Variants in NALCN observed in about 807,000 individuals in gnomAD.
The protein encoded by NALCN is sodium leak channel NALCN.
NALCN carries 111 observed loss-of-function variants against 225.3 expected under a neutral mutation model. That is an observed-to-expected ratio of 0.49 (90% CI 0.42 to 0.58). NALCN has a LOEUF of 0.58. NALCN is among the 20% of genes least tolerant of loss of function. The pLI is 0.00. For synonymous variants in NALCN, 764 were observed against 769.0 expected (o/e 0.99, Z 0.11); for missense variants, 1,378 against 2,202.4 (o/e 0.63, Z 7.49).
intron 6 of NALCN, among the ~76,000 whole-genome samples, chr13:101,357,897 C>G (rs139279272): frequency 0.032 from 4,910 of 152,238 alleles, 266 homozygotes; most frequent in African/African-American, 0.11. Context: ...CTACAACCAT[C>G]TGATCTTTGA....
intron 6 of NALCN, among the ~76,000 whole-genome samples, chr13:101,363,905 T>C (rs2046315391): frequency 6.6e-6 from 1 of 152,046 alleles, no homozygotes. Flanking sequence ...AATAATCTGA[T>C]TAAGAAATGG....
chr13:101,383,757 G>T (rs1173434542), intron 3 of NALCN, among the ~76,000 whole-genome samples: 1 of 152,134 alleles, frequency 6.6e-6, no homozygotes, highest in Admixed American at 6.5e-5. Flanking sequence ...GATCACAGAC[G>T]AGATTATGAG....
chr13:101,347,134 T>C (rs112536713), intron 6 of NALCN, among the ~76,000 whole-genome samples: 12 of 134,870 alleles, frequency 8.9e-5, no homozygotes, highest in South Asian at 4.9e-4. Context: ...CACACGTACA[T>C]AGTTTTACAC....
intron 17 of NALCN, among the ~76,000 whole-genome samples, chr13:101,128,466 G>A (rs76704066): frequency 0.035 from 5,291 of 152,120 alleles, 189 homozygotes; most frequent in African/African-American, 0.086. Flanking sequence ...ATTTTTTGGC[G>A]ATGTCTTCTA....
At chr13:101,186,774 T>C (rs1249645208) in intron 14 of NALCN, among the ~76,000 whole-genome samples, 1 of 152,106 alleles carries the variant, frequency 6.6e-6, no homozygotes, top group African/African-American at 2.4e-5. Flanking sequence ...TTGATTTGAG[T>C]TTTATTTAAA....
At chr13:101,142,484 T>C (rs2037136373) in intron 17 of NALCN, among the ~76,000 whole-genome samples, 1 of 152,090 alleles carries the variant, frequency 6.6e-6, no homozygotes, top group African/African-American at 2.4e-5. Context: ...AAAAAGTACA[T>C]TTCTTTAAAA....
chr13:101,246,369 A>G (rs1247227323), intron 11 of NALCN, among the ~76,000 whole-genome samples: 1 of 152,228 alleles, frequency 6.6e-6, no homozygotes, highest in Non-Finnish European at 1.5e-5. Context: ...CATATTTATC[A>G]CAAAGGAAGA....
chr13:101,255,319 T>C (rs1168913421), intron 11 of NALCN, among the ~76,000 whole-genome samples: 1 of 152,204 alleles, frequency 6.6e-6, no homozygotes, highest in Non-Finnish European at 1.5e-5. Flanking sequence ...ATAAACACAT[T>C]AGGAAAGGAT....
In NALCN at chr13:101,381,336, G is replaced by GT. The variant is rs1201878731; in HGVS notation, c.292-2684dup. Among the ~76,000 whole-genome samples the GT allele has an allele frequency of 4.6e-5, 7 of 152,148 alleles. No individual in the cohort carries two copies. The East Asian group carries it at 1.4e-3, about 29-fold the overall frequency. On this transcript the variant is annotated intron_variant, in intron 3 of 43. Transcript: ENST00000251127. Reference sequence around the variant, plus strand: ...AAAGGTTACATATATAACAAATAACGTAAGGATTTTTTATAGTCATCTTCA... The same window carrying GT: ...AAAGGTTACATATATAACAAATAACGTTAAGGATTTTTTATAGTCATCTTCA...
chr13:101,105,404 A>G (rs1269882407), intron 22 of NALCN, among the ~76,000 whole-genome samples: 3 of 152,182 alleles, frequency 2.0e-5, no homozygotes, highest in Non-Finnish European at 4.4e-5. Flanking sequence ...ATTTATTTAG[A>G]ATTTCTTGGA....
At chr13:101,114,342 T>C (rs2035594138) in intron 18 of NALCN, among the ~76,000 whole-genome samples, 1 of 152,202 alleles carries the variant, frequency 6.6e-6, no homozygotes, top group Admixed American at 6.5e-5. Context: ...CAACGCTTTC[T>C]TTGAATTTTA....
chr13:101,147,352 CTCTTTT>C (rs1312538563), intron 15 of NALCN, among the ~76,000 whole-genome samples: 1 of 140,556 alleles, frequency 7.1e-6, no homozygotes, highest in Non-Finnish European at 1.5e-5. Context: ...TCCTCTCTCT[CTCTTTT>C]TTTTTTTTTT....
chr13:101,346,087 C>CTCTCTCTCTATATATATATATA lies in NALCN; in HGVS notation c.645-668_645-667insTATATATATATATAGAGAGAGA. 5.1e-3 allele frequency among the ~76,000 whole-genome samples: 363 copies of CTCTCTCTCTATATATATATATA among 70,852 alleles called. 3 individuals are homozygous for CTCTCTCTCTATATATATATATA. Among genetic ancestry groups the CTCTCTCTCTATATATATATATA allele is most frequent in the Middle Eastern group, 7.5e-3 (1 of 134 alleles). The allele number at this position is 70,852 out of a possible 152,430, so 46.5% of individuals were successfully genotyped here. A position where few individuals can be genotyped will look rare whatever the true frequency, so the allele number is the denominator to read the frequency against. On this transcript the variant is annotated intron_variant, in intron 6 of 43. Transcript: ENST00000251127. ...TCTCTCTCTCTCTCTCTCTCTCTCT[C>CTCTCTCTCTATATATATATATA]TATATATATATATATATATATATAT... is the stretch of plus-strand genomic sequence containing the variant.
chr13:101,080,470 T>TAATAATTAAATTATATA (rs2033551697), intron 34 of NALCN, among the ~76,000 whole-genome samples: 1 of 148,818 alleles, frequency 6.7e-6, no homozygotes, highest in Admixed American at 6.7e-5. Flanking sequence ...ATTAAATTGT[T>TAATAATTAAATTATATA]AATAATTAAA....
In NALCN at chr13:101,240,473, T is replaced by G. The variant is rs1396205854; in HGVS notation, c.1267-2551A>C. On this transcript the variant is annotated intron_variant, in intron 11 of 43. Transcript: ENST00000251127. ...TACCCACTTTACTAGATTCTTCTAT[T>G]AATTCTAATATTTTTCATAAAGTCT... Among the ~76,000 whole-genome samples, 4 of 152,042 alleles carry G rather than the reference T, an allele frequency of 2.6e-5. No homozygotes were observed. In the East Asian group the frequency reaches 7.7e-4, roughly 29 times the overall value.
intron 13 of NALCN, among the ~76,000 whole-genome samples, chr13:101,206,997 C>G (rs2140060681): frequency 6.6e-6 from 1 of 152,154 alleles, no homozygotes; most frequent in African/African-American, 2.4e-5. Context: ...AGTCATTCTA[C>G]TATGGTTGGA....
Position 101,142,987 on chromosome 13 carries a change from A to C in NALCN, c.2118+93T>G, listed in dbSNP as rs1229862131. ...TTTTATTTTCATTATTCTCTTGAGA[A>C]ATTGGATTCCAGGACCCTAAAGAAC... On this transcript the variant is annotated intron_variant, in intron 17 of 43. Transcript: ENST00000251127. 6 of 1,421,680 alleles carry C rather than the reference A, an allele frequency of 4.2e-6. No individual in the cohort carries two copies. In the East Asian group the frequency reaches 6.8e-5, roughly 16 times the overall value. The allele number at this position is 1,421,680 out of a possible 1,614,324, so 88.1% of individuals were successfully genotyped here.
chr13:101,388,870 A>G (rs1173876732), intron 3 of NALCN, among the ~76,000 whole-genome samples: 8 of 152,250 alleles, frequency 5.3e-5, no homozygotes, highest in South Asian at 2.1e-4. Context: ...AGATCTTTCA[A>G]TGCATGGGCA....
At chr13:101,218,931 ACTGTGGGT>A (rs1209919568) in intron 13 of NALCN, among the ~76,000 whole-genome samples, 1 of 152,156 alleles carries the variant, frequency 6.6e-6, no homozygotes, top group Admixed American at 6.6e-5. Flanking sequence ...AGGCTAATAT[ACTGTGGGT>A]CTATATCATC....
Sources: allele counts gnomAD v4.1 joint callset (sites outside exome capture counted in the v4.1 genomes callset), GRCh38; gene constraint gnomAD v4.1.1; transcripts MANE v1.5; gene names NCBI Gene and HGNC (gene_info 2026-07-23, HGNC 2026-07-21).